RSRC1: variants seen among roughly 807,000 people sequenced by gnomAD.
The protein encoded by RSRC1 is serine/Arginine-related protein 53.
RSRC1 carries 39 observed loss-of-function variants against 49.1 expected under a neutral mutation model. The ratio of observed to expected loss-of-function variants is 0.79; its 90% CI spans 0.61 to 1.04. The LOEUF (loss-of-function observed/expected upper bound fraction) is 1.04. RSRC1 is among the 50% of genes least tolerant of loss of function. The pLI is 0.00. For synonymous variants in RSRC1, 143 were observed against 130.8 expected (o/e 1.09, Z -0.63); for missense variants, 388 against 402.4 (o/e 0.96, Z 0.31).
At chr3:158,182,610 A>G (rs1719690126) in intron 3 of RSRC1, among the ~76,000 whole-genome samples, 1 of 152,154 alleles carries the variant, frequency 6.6e-6, no homozygotes, top group African/African-American at 2.4e-5. Context: ...TGTAGGCCAA[A>G]TGTTACTGGA....
chr3:158,291,745 G>A (rs1248993572), intron 4 of RSRC1, among the ~76,000 whole-genome samples: 1 of 152,104 alleles, frequency 6.6e-6, no homozygotes, highest in African/African-American at 2.4e-5. Context: ...TCCTTAACCC[G>A]ATTCCTCTAG....
Position 158,229,131 on chromosome 3 carries a change from T to C in RSRC1, c.494+25886T>C, listed in dbSNP as rs1413727866. 1.3e-5 allele frequency among the ~76,000 whole-genome samples: 2 copies of C among 151,338 alleles called. 1 individual carries two copies. Among genetic ancestry groups the C allele is most frequent in the Non-Finnish European group, 3.0e-5 (2 of 67,634 alleles). On this transcript the variant is annotated intron_variant, in intron 4 of 9. Transcript: ENST00000611884. ...ATGTGTATATAAACATACGTGTATATGTGTATATAAACATACATACGTGTA... is the reference window on the plus strand; with the variant it reads ...ATGTGTATATAAACATACGTGTATACGTGTATATAAACATACATACGTGTA...
intron 3 of RSRC1, among the ~76,000 whole-genome samples, chr3:158,138,161 TAGCTAAGTTAG>T (rs1310213496): frequency 6.6e-6 from 1 of 152,154 alleles, no homozygotes; most frequent in Non-Finnish European, 1.5e-5. Context: ...CTTTGTTGCT[TAGCTAAGTTAG>T]AGCTACTTTT....
intron 4 of RSRC1, among the ~76,000 whole-genome samples, chr3:158,260,587 C>T (rs147115019): frequency 2.7e-4 from 41 of 152,256 alleles, no homozygotes; most frequent in African/African-American, 5.3e-4. Context: ...CCAGGTTGCG[C>T]GCATTTCAAG....
chr3:158,445,204 G>A (rs1172080704), intron 6 of RSRC1, among the ~76,000 whole-genome samples: 2 of 152,010 alleles, frequency 1.3e-5, no homozygotes, highest in African/African-American at 2.4e-5. Flanking sequence ...CATATGCACG[G>A]GTATGTTTAT....
At chr3:158,261,936 A>G (rs976384005) in intron 4 of RSRC1, among the ~76,000 whole-genome samples, 1 of 152,134 alleles carries the variant, frequency 6.6e-6, no homozygotes, top group Non-Finnish European at 1.5e-5. Context: ...ATGCACTTGA[A>G]TCATCTTGAA....
intron 4 of RSRC1, among the ~76,000 whole-genome samples, chr3:158,223,380 T>A (rs1722330542): frequency 6.6e-6 from 1 of 151,694 alleles, no homozygotes. Context: ...CTTTTCAGGC[T>A]GAGAGGCAAA....
At chr3:158,355,970 T>A (rs1731135488) in intron 6 of RSRC1, among the ~76,000 whole-genome samples, 1 of 151,878 alleles carries the variant, frequency 6.6e-6, no homozygotes, top group African/African-American at 2.4e-5. Flanking sequence ...TAAAGTTTAA[T>A]TTATAGATTA....
intron 6 of RSRC1, among the ~76,000 whole-genome samples, chr3:158,360,461 A>C (rs1193976210): frequency 6.6e-6 from 1 of 152,126 alleles, no homozygotes; most frequent in East Asian, 1.9e-4. Flanking sequence ...CCCTCTGCCC[A>C]GGAGACCTTC....
intron 4 of RSRC1, among the ~76,000 whole-genome samples, chr3:158,281,118 T>C (rs1726135761): frequency 6.6e-6 from 1 of 152,178 alleles, no homozygotes; most frequent in Non-Finnish European, 1.5e-5. Flanking sequence ...AGATAGTTTT[T>C]GTGATTACTT....
intron 7 of RSRC1, among the ~76,000 whole-genome samples, chr3:158,505,506 C>T (rs1251447682): frequency 6.6e-6 from 1 of 152,070 alleles, no homozygotes; most frequent in African/African-American, 2.4e-5. Flanking sequence ...GGGTGAAAAA[C>T]TCTGTAAAAC....
intron 2 of RSRC1, among the ~76,000 whole-genome samples, chr3:158,123,100 C>T (rs565580771): frequency 7.6e-4 from 115 of 152,266 alleles, no homozygotes; most frequent in Non-Finnish European, 1.2e-3. Flanking sequence ...CAGCCTCTGC[C>T]TCCCAGGTTC....
At chr3:158,227,650 C>T (rs80062084) in intron 4 of RSRC1, among the ~76,000 whole-genome samples, 2,737 of 152,080 alleles carry the variant, frequency 0.018, 47 homozygotes, top group Admixed American at 0.076. Flanking sequence ...TCATATGTTA[C>T]GATTCAGTAA....
At position 158,544,303 on chromosome 3, in the gene RSRC1, G is replaced by T; in HGVS notation, c.*28G>T. The T allele has an allele frequency of 7.2e-7, 1 of 1,396,626 alleles. No homozygotes were observed. Among genetic ancestry groups the T allele is most frequent in the Non-Finnish European group, 9.9e-7 (1 of 1,008,782 alleles). 86.5% of individuals were successfully genotyped at this position (1,396,626 alleles called of 1,614,324 possible). ...AATATACATATAGTTGGATTGGATT[G>T]TCAGCAGTAACATTGGAAATTTAGG... On this transcript the variant is annotated 3_prime_UTR_variant, in exon 10 of 10. Coordinates refer to ENST00000611884, the MANE Select transcript of RSRC1 (RefSeq NM_001271838.2).
chr3:158,367,878 A>T (rs1276859849), intron 6 of RSRC1, among the ~76,000 whole-genome samples: 1 of 152,138 alleles, frequency 6.6e-6, no homozygotes, highest in Middle Eastern at 3.2e-3. Context: ...CCAACAATGA[A>T]TGTGGTTTTT....
At chr3:158,503,820 A>G (rs1296681922) in intron 7 of RSRC1, among the ~76,000 whole-genome samples, 4 of 152,018 alleles carry the variant, frequency 2.6e-5, no homozygotes, top group Non-Finnish European at 5.9e-5. Context: ...TCTCCCAGAA[A>G]AGGGCTTGGT....
At chr3:158,424,808 G>A (rs1296380211) in intron 6 of RSRC1, among the ~76,000 whole-genome samples, 1 of 152,100 alleles carries the variant, frequency 6.6e-6, no homozygotes, top group Non-Finnish European at 1.5e-5. Context: ...TTAGTCTTGG[G>A]AGAGTGTATG....
chr3:158,123,818 A>C (rs1362274496), intron 2 of RSRC1, 48 bp from the exon 3 acceptor site: 1 of 1,551,136 alleles, frequency 6.4e-7, no homozygotes, highest in East Asian at 2.3e-5. Context: ...CTTAATGCTC[A>C]TAATAAAAAT....
At chr3:158,328,632 G>A (rs1392407945) in intron 5 of RSRC1, among the ~76,000 whole-genome samples, 1 of 152,180 alleles carries the variant, frequency 6.6e-6, no homozygotes, top group African/African-American at 2.4e-5. Context: ...CCCTTTGTGG[G>A]TAACCCAACC....
Sources: gnomAD v4.1 joint callset for allele counts (sites outside exome capture counted in the v4.1 genomes callset) on GRCh38, gnomAD v4.1.1 for gene constraint, MANE v1.5 for transcripts, NCBI Gene and HGNC (gene_info 2026-07-23, HGNC 2026-07-21) for gene names.